Variants in COBL observed in about 807,000 individuals in gnomAD.
COBL encodes cordon-bleu WH2 repeat protein.
Under a neutral mutation model 98.8 loss-of-function variants are expected in COBL, and 51 were observed. That is an observed-to-expected ratio of 0.52 (90% CI 0.41 to 0.65). The LOEUF is 0.65. COBL is among the 30% of genes least tolerant of loss of function. The pLI, the probability that COBL is intolerant of heterozygous loss-of-function variation, is 0.00. For missense variants in COBL, 1,617 were observed against 1,617.5 expected (o/e 1.00, Z 0.01); for synonymous variants, 634 against 651.7 (o/e 0.97, Z 0.41).
intron 5 of COBL, chr7:51,156,255 TTTTA>T: frequency 1.0e-6 from 1 of 985,044 alleles, no homozygotes; most frequent in Non-Finnish European, 1.2e-6. Context: ...TTTCTTACCC[TTTTA>T]TTTTTCTTGT....
At chr7:51,039,959 A>C (rs1031601682) in intron 8 of COBL, among the ~76,000 whole-genome samples, 1 of 152,196 alleles carries the variant, frequency 6.6e-6, no homozygotes, top group Admixed American at 6.5e-5. Context: ...CTTTAGAGAA[A>C]GCATGTGTTT....
rs188611795 is a variant in COBL, at chr7:51,132,216, G to A, written c.957+3942C>T. Among the ~76,000 whole-genome samples the A allele has an allele frequency of 3.9e-5, 6 of 152,308 alleles. No individual in the cohort carries two copies. In the East Asian group the frequency reaches 1.2e-3, roughly 29 times the overall value. On this transcript the variant is annotated intron_variant, in intron 6 of 12. Transcript: ENST00000265136. ...CTCTGCCCAGCCCTCCCTGCTTTAGGCATGCTGGCTACTTCTGTCCCCCAC... is the reference window on the plus strand; with the variant it reads ...CTCTGCCCAGCCCTCCCTGCTTTAGACATGCTGGCTACTTCTGTCCCCCAC...
chr7:51,094,103 T>C (rs934650386), intron 6 of COBL, among the ~76,000 whole-genome samples: 2 of 151,918 alleles, frequency 1.3e-5, no homozygotes, highest in African/African-American at 4.8e-5. Context: ...TGGAGGACAT[T>C]ATGCTAAGTA....
intron 5 of COBL, among the ~76,000 whole-genome samples, chr7:51,138,439 C>G (rs923750741): frequency 6.6e-6 from 1 of 152,118 alleles, no homozygotes; most frequent in African/African-American, 2.4e-5. Flanking sequence ...AGGAAGCAAA[C>G]CAGAGAAGGG....
At chr7:51,207,712 G>A (rs62448318) in intron 2 of COBL, among the ~76,000 whole-genome samples, 282 of 135,628 alleles carry the variant, frequency 2.1e-3, no homozygotes, top group Middle Eastern at 3.7e-3. Flanking sequence ...GATTGCAGAC[G>A]GAGTCTCGTT....
chr7:51,096,734 G>T (rs1302327422), intron 6 of COBL, among the ~76,000 whole-genome samples: 1 of 152,004 alleles, frequency 6.6e-6, no homozygotes, highest in Non-Finnish European at 1.5e-5. Context: ...CAACCAATTG[G>T]ATAACCTAGA....
intron 6 of COBL, among the ~76,000 whole-genome samples, chr7:51,117,922 C>T (rs1284645319): frequency 6.6e-6 from 1 of 152,190 alleles, no homozygotes; most frequent in African/African-American, 2.4e-5. Flanking sequence ...GCAATCAAAT[C>T]TCAGTTCAGC....
At chr7:51,054,577 G>A (rs1790548321) in intron 7 of COBL, among the ~76,000 whole-genome samples, 1 of 152,182 alleles carries the variant, frequency 6.6e-6, no homozygotes, top group Non-Finnish European at 1.5e-5. Flanking sequence ...TCCCTGCACT[G>A]GGGACTGCTG....
rs760254785 is a variant in COBL, at chr7:51,026,596, C to G, written c.3454G>C (p.Ala1152Pro). The G allele has an allele frequency of 1.9e-6, 3 of 1,614,066 alleles. No individual in the cohort carries two copies. The highest frequency in any genetic ancestry group is 2.5e-6 in the Non-Finnish European group (3 of 1,180,062). The change falls in exon 11 of 13, where the codon GCA becomes CCA. Residue 1152 changes from alanine to proline, a missense_variant. Physicochemically the swap from Ala to Pro is conservative, Grantham distance 27 (BLOSUM62 -1). Transcript: ENST00000265136. The stretch of plus-strand genomic sequence containing the variant: ...TGCCCGCGGATAGCTGCCAGCAGTG[C>G]AGATCGTTCGCCCTCTGCCTCCGTG... ...SYTEAEGERS[A>P]LLAAIRGHSG...
At chr7:51,099,305 T>C (rs1181926890) in intron 6 of COBL, among the ~76,000 whole-genome samples, 2 of 152,230 alleles carry the variant, frequency 1.3e-5, no homozygotes, top group African/African-American at 4.8e-5. Context: ...CAAAGAGATG[T>C]GTTCTTGTTC....
chr7:51,262,014 G>A (rs932336444), intron 1 of COBL, among the ~76,000 whole-genome samples: 1 of 152,228 alleles, frequency 6.6e-6, no homozygotes, highest in African/African-American at 2.4e-5. Flanking sequence ...CCTCTGGGCA[G>A]GCAAGTCCAA....
rs139038421 is a variant in COBL at position 51,053,630 on chromosome 7, T to C, written c.1097-9938A>G. ...GTCACTTTCTATAACTCAGAGAAGA[T>C]GTCCGGGTGTGCTGTAATGCCACCC... On this transcript the variant is annotated intron_variant, in intron 7 of 12. Transcript: ENST00000265136. 6.7e-4 allele frequency among the ~76,000 whole-genome samples: 102 copies of C among 152,294 alleles called. 1 individual carries two copies. In the East Asian group the frequency reaches 0.015, roughly 22 times the overall value.
At chr7:51,189,459 C>A (rs953807374) in intron 4 of COBL, among the ~76,000 whole-genome samples, 9 of 152,106 alleles carry the variant, frequency 5.9e-5, no homozygotes, top group African/African-American at 2.2e-4. Flanking sequence ...CGTGGTGAAA[C>A]CCCGTCTCTA....
intron 2 of COBL, among the ~76,000 whole-genome samples, chr7:51,213,254 G>T (rs974046672): frequency 3.9e-5 from 6 of 152,132 alleles, no homozygotes; most frequent in African/African-American, 1.2e-4. Context: ...ACCAGTCAAC[G>T]GTGTGTTAGA....
chr7:51,130,957 C>T (rs1335551699), intron 6 of COBL, among the ~76,000 whole-genome samples: 1 of 152,148 alleles, frequency 6.6e-6, no homozygotes, highest in Non-Finnish European at 1.5e-5. Flanking sequence ...CCAATTCATG[C>T]TTTCAAGTGC....
intron 1 of COBL, among the ~76,000 whole-genome samples, chr7:51,280,329 A>G (rs1184593742): frequency 6.6e-6 from 1 of 152,158 alleles, no homozygotes; most frequent in Non-Finnish European, 1.5e-5. Flanking sequence ...ATTCTCTATT[A>G]TGCTCATCTC....
At chr7:51,244,931 AT>A (rs1171350209) in intron 1 of COBL, among the ~76,000 whole-genome samples, 2 of 151,930 alleles carry the variant, frequency 1.3e-5, no homozygotes, top group Non-Finnish European at 2.9e-5. Context: ...GGCTTCACCC[AT>A]TTTTTTCTCT....
intron 2 of COBL, among the ~76,000 whole-genome samples, chr7:51,208,542 C>A (rs1341203400): frequency 6.6e-6 from 1 of 152,196 alleles, no homozygotes; most frequent in Admixed American, 6.5e-5. Flanking sequence ...TGCCCGGCCA[C>A]CACCCCATCT....
Position 51,028,943 on chromosome 7 carries a change from C to T in COBL, c.2153G>A (p.Arg718Gln), listed in dbSNP as rs143387495. Residue 718 changes from arginine (R) to glutamine (Q), a missense_variant, in exon 10 of 13, where the codon CGA (arginine) becomes CAA (glutamine). Physicochemically the swap from Arg to Gln is conservative, Grantham distance 43. Coordinates refer to ENST00000265136, the MANE Select transcript of COBL (RefSeq NM_015198.5). ...YKIIPPKSEMRCYDRDVSLST... is the reference protein window; with the variant it reads ...YKIIPPKSEMQCYDRDVSLST... ...GAGGGACACATCTCTGTCGTAACATCGCATCTCTGACTTTGGAGGAATGAT... is the reference window on the plus strand; with the variant it reads ...GAGGGACACATCTCTGTCGTAACATTGCATCTCTGACTTTGGAGGAATGAT... The T allele has an allele frequency of 7.4e-5, 119 of 1,614,184 alleles. No individual in the cohort carries two copies. Among genetic ancestry groups the T allele is most frequent in the East Asian group, 6.2e-4 (28 of 44,874 alleles).
Sources: allele counts gnomAD v4.1 joint callset (sites outside exome capture counted in the v4.1 genomes callset), GRCh38; gene constraint gnomAD v4.1.1; transcripts MANE v1.5; gene names NCBI Gene and HGNC (gene_info 2026-07-23, HGNC 2026-07-21).